Variants in EIF3CL observed in about 807,000 individuals in gnomAD.
EIF3CL encodes the protein eukaryotic translation initiation factor 3 subunit C-like protein.
For synonymous variants in EIF3CL, 2 were observed against 19.6 expected (o/e 0.10, Z 2.37); for missense variants, 5 against 56.1 (o/e 0.09, Z 2.91).
At chr16:28,417,432 A>G in the EIF3CL span, among the ~76,000 whole-genome samples, 11 of 130,032 alleles carry the variant, frequency 8.5e-5, no homozygotes, top group African/African-American at 2.6e-4. Flanking sequence ...CTGTGTAGAA[A>G]GAAGTAGACA....
the EIF3CL span, chr16:28,414,395 CAAAAA>C: frequency 6.6e-6 from 2 of 305,332 alleles, no homozygotes; most frequent in Non-Finnish European, 1.2e-5. Context: ...GACTCCGTCT[CAAAAA>C]AAAAAAGAAA....
At position 28,403,053 on chromosome 16, in the gene EIF3CL, G is replaced by A. The variant is rs1249409337; in HGVS notation, c.101+465C>T. On this transcript the variant is annotated intron_variant, in intron 2 of 20. Transcript: ENST00000380876. ...AAAAAATTAATGTACAGAAATGGCGGATGGGTATTTACGTAGAGGTGAACA... is the reference window on the plus strand; with the variant it reads ...AAAAAATTAATGTACAGAAATGGCGAATGGGTATTTACGTAGAGGTGAACA... Among the ~76,000 whole-genome samples, 4 of 143,108 alleles carry A rather than the reference G, an allele frequency of 2.8e-5. 1 individual carries two copies. The highest frequency in any genetic ancestry group is 5.0e-5 in the African/African-American group (2 of 39,764). 93.9% of individuals were successfully genotyped at this position (143,108 alleles called of 152,430 possible).
At chr16:28,422,617 G>T in the EIF3CL span, among the ~76,000 whole-genome samples, 1 of 143,214 alleles carries the variant, frequency 7.0e-6, no homozygotes, top group Non-Finnish European at 1.5e-5. Context: ...TGGATTACCT[G>T]AGGTCAGGAG....
At chr16:28,415,023 C>A in the EIF3CL span, 24 of 439,056 alleles carry the variant, frequency 5.5e-5, 1 homozygote, top group Non-Finnish European at 1.1e-4. Flanking sequence ...GCGTGACCCA[C>A]CCCAGCTGCA....
At chr16:28,416,781 C>T in the EIF3CL span, among the ~76,000 whole-genome samples, 1 of 106,984 alleles carries the variant, frequency 9.3e-6, no homozygotes, top group Non-Finnish European at 2.1e-5. Context: ...CCCACCCGGC[C>T]AGCCGCCCCG....
chr16:28,419,000 T>G, the EIF3CL span, among the ~76,000 whole-genome samples: 2 of 146,922 alleles, frequency 1.4e-5, no homozygotes, highest in Admixed American at 1.4e-4. Flanking sequence ...TCTGGTTAAC[T>G]GTCTTTTTAA....
At position 28,385,333 on chromosome 16, in the gene EIF3CL, C is replaced by T. The variant is rs1458681570; in HGVS notation, c.1822-1852G>A. Reference sequence around the variant, plus strand: ...ATGAATAGAATGAAGGAGAAGTAACCGGGTATTTCTTTTCTTTTTGAGACA... The same window carrying T: ...ATGAATAGAATGAAGGAGAAGTAACTGGGTATTTCTTTTCTTTTTGAGACA... On this transcript the variant is annotated intron_variant, in intron 15 of 20. Transcript: ENST00000380876. 1.2e-4 allele frequency among the ~76,000 whole-genome samples: 16 copies of T among 129,798 alleles called. 1 individual carries two copies. Among genetic ancestry groups the T allele is most frequent in the South Asian group, 2.4e-4 (1 of 4,110 alleles). 85.2% of individuals were successfully genotyped at this position (129,798 alleles called of 152,430 possible). A position where few individuals can be genotyped will look rare whatever the true frequency, so the allele number is the denominator to read the frequency against.
the EIF3CL span, among the ~76,000 whole-genome samples, chr16:28,418,144 T>C: frequency 6.7e-6 from 1 of 150,274 alleles, no homozygotes; most frequent in Non-Finnish European, 1.5e-5. Context: ...GTGTGGTCTC[T>C]CAAGTGGTGC....
At chr16:28,384,212 G>A (rs2045588000) in intron 15 of EIF3CL, among the ~76,000 whole-genome samples, 1 of 25,550 alleles carries the variant, frequency 3.9e-5, no homozygotes, top group African/African-American at 9.0e-5. Flanking sequence ...GGAGTGCAGC[G>A]GTGTGATATT....
the EIF3CL span, chr16:28,414,577 C>T: frequency 0.011 from 2,552 of 228,432 alleles, 268 homozygotes; most frequent in East Asian, 0.1. Flanking sequence ...GGTCAGGAGC[C>T]GGAAGGGGTC....
At chr16:28,385,566 A>C (rs2141652392) in intron 15 of EIF3CL, among the ~76,000 whole-genome samples, 1 of 81,154 alleles carries the variant, frequency 1.2e-5, no homozygotes, top group Non-Finnish European at 2.7e-5. Context: ...GGACTTGCAT[A>C]AGGACAGACA....
At chr16:28,417,872 C>CAAA in the EIF3CL span, among the ~76,000 whole-genome samples, 1,398 of 109,546 alleles carry the variant, frequency 0.013, 19 homozygotes, top group African/African-American at 0.044. Flanking sequence ...TTTAGGAATG[C>CAAA]AAAAAAAAAA....
At chr16:28,423,835 T>A in the EIF3CL span, among the ~76,000 whole-genome samples, 15 of 112,268 alleles carry the variant, frequency 1.3e-4, 2 homozygotes, top group East Asian at 8.1e-4. Context: ...ATATATATAT[T>A]TTTTGAGACG....
chr16:28,385,403 G>C (rs1340496152), intron 15 of EIF3CL, among the ~76,000 whole-genome samples: 6 of 122,230 alleles, frequency 4.9e-5, no homozygotes, highest in African/African-American at 1.7e-4. Context: ...CGTGATCGTG[G>C]CTCCTGCAGC....
At chr16:28,417,227 A>C in the EIF3CL span, among the ~76,000 whole-genome samples, 36 of 145,834 alleles carry the variant, frequency 2.5e-4, no homozygotes, top group Non-Finnish European at 4.5e-4. Context: ...GAGCCGCCCC[A>C]TCCGGGAAGT....
the EIF3CL span, chr16:28,413,680 G>GC: frequency 5.3e-6 from 1 of 190,254 alleles, no homozygotes; most frequent in South Asian, 2.5e-5. Context: ...TGAGATCAAA[G>GC]CCCCCACAAA....
At chr16:28,416,753 G>GT in the EIF3CL span, among the ~76,000 whole-genome samples, 3 of 86,400 alleles carry the variant, frequency 3.5e-5, no homozygotes, top group African/African-American at 7.9e-5. Context: ...CGGGAGGGAG[G>GT]TGGGGGGGGT....
the EIF3CL span, among the ~76,000 whole-genome samples, chr16:28,423,908 G>A: frequency 2.6e-4 from 30 of 113,438 alleles, no homozygotes; most frequent in African/African-American, 4.6e-4. Flanking sequence ...TGCAAGCTCC[G>A]TCTCCTGGGT....
chr16:28,415,859 C>G, the EIF3CL span, among the ~76,000 whole-genome samples: 1 of 111,598 alleles, frequency 9.0e-6, no homozygotes, highest in Non-Finnish European at 1.9e-5. Context: ...TCTCCGTCTC[C>G]GTCTCCATCT....
Sources: allele counts gnomAD v4.1 joint callset (sites outside exome capture counted in the v4.1 genomes callset), GRCh38; gene constraint gnomAD v4.1.1; transcripts MANE v1.5; gene names NCBI Gene and HGNC (gene_info 2026-07-23, HGNC 2026-07-21).